VSTM4: variants seen among roughly 807,000 people sequenced by gnomAD.
The protein encoded by VSTM4 is V-set and transmembrane domain-containing protein 4.
In VSTM4, 20 loss-of-function variants were observed where a neutral mutation model predicts 36.4. The observed-to-expected ratio is 0.55, with a 90% CI of 0.39 to 0.80. VSTM4 has a LOEUF of 0.80. Among genes scored for constraint, VSTM4 ranks in the 30% least tolerant of loss-of-function variants. The pLI, the probability that VSTM4 is intolerant of heterozygous loss-of-function variation, is 0.00. For synonymous variants in VSTM4, 182 were observed against 173.9 expected (o/e 1.05, Z -0.37); for missense variants, 392 against 404.5 (o/e 0.97, Z 0.26).
At chr10:49,099,415 T>C (rs538177468) in intron 2 of VSTM4, among the ~76,000 whole-genome samples, 208 of 152,362 alleles carry the variant, frequency 1.4e-3, no homozygotes, top group Admixed American at 0.012. Flanking sequence ...ATCATTTTTA[T>C]CATGTGTGAT....
At chr10:49,109,163 A>G (rs1392365865) in intron 1 of VSTM4, among the ~76,000 whole-genome samples, 1 of 152,168 alleles carries the variant, frequency 6.6e-6, no homozygotes. Context: ...GGTCATCCCA[A>G]AGCACAGCTT....
intron 4 of VSTM4, among the ~76,000 whole-genome samples, chr10:49,071,848 G>A (rs938326822): frequency 9.2e-5 from 14 of 152,182 alleles, no homozygotes; most frequent in Non-Finnish European, 1.5e-4. Context: ...TCTCCTGAAT[G>A]TGGTCAGGAT....
chr10:49,030,363 A>AG (rs539684906), intron 7 of VSTM4, among the ~76,000 whole-genome samples: 1 of 152,130 alleles, frequency 6.6e-6, no homozygotes, highest in African/African-American at 2.4e-5. Flanking sequence ...GCCTTGACCC[A>AG]GGGTCCAGAG....
chr10:49,086,627 C>G (rs1389870286), intron 2 of VSTM4, among the ~76,000 whole-genome samples: 5 of 152,062 alleles, frequency 3.3e-5, no homozygotes, highest in African/African-American at 1.2e-4. Context: ...GAGTCTGGGC[C>G]CACGGAAAGT....
chr10:49,016,763 T>TC lies in VSTM4; in HGVS notation c.*2886dup, dbSNP rs1843110932. 6.6e-6 allele frequency: 1 copy of TC among 152,226 alleles called. No individual in the cohort carries two copies. Among genetic ancestry groups the TC allele is most frequent in the Non-Finnish European group, 1.5e-5 (1 of 68,048 alleles). 9.4% of individuals were successfully genotyped at this position (152,226 alleles called of 1,614,324 possible). ...GGCGGTACATTCGTAAAAAGGTGAC[T>TC]CTAAGGAATCCCAGGCCTCTCCTCC... On this transcript the variant is annotated 3_prime_UTR_variant, in exon 8 of 8. Coordinates refer to ENST00000332853, the MANE Select transcript of VSTM4 (RefSeq NM_001031746.5).
intron 1 of VSTM4, among the ~76,000 whole-genome samples, chr10:49,114,560 T>C (rs1203872439): frequency 6.6e-6 from 1 of 150,618 alleles, no homozygotes; most frequent in Non-Finnish European, 1.5e-5. Flanking sequence ...CTTCAGAGGT[T>C]ATTGGTGAGA....
intron 2 of VSTM4, among the ~76,000 whole-genome samples, chr10:49,100,461 A>G (rs1238887611): frequency 6.6e-6 from 1 of 152,246 alleles, no homozygotes; most frequent in East Asian, 1.9e-4. Flanking sequence ...TAAAATCTTC[A>G]CATACATGTG....
chr10:49,111,471 G>A (rs1014772400), intron 1 of VSTM4, among the ~76,000 whole-genome samples: 1 of 152,174 alleles, frequency 6.6e-6, no homozygotes. Flanking sequence ...AGAGGGGCAG[G>A]ACCTGATGGT....
chr10:49,115,149 C>T (rs1844969544), intron 1 of VSTM4, among the ~76,000 whole-genome samples: 1 of 152,180 alleles, frequency 6.6e-6, no homozygotes, highest in Admixed American at 6.5e-5. Flanking sequence ...TCGGGGCCTG[C>T]CGCTGGGAAG....
intron 3 of VSTM4, 48 bp downstream of exon 3, chr10:49,085,907 G>A: frequency 8.1e-7 from 1 of 1,240,050 alleles, no homozygotes; most frequent in Admixed American, 2.4e-5. Flanking sequence ...AAAAGAAAAA[G>A]AAAAAGCAAC....
chr10:49,064,478 T>C, intron 5 of VSTM4: 1 of 546,560 alleles, frequency 1.8e-6, no homozygotes, highest in Non-Finnish European at 3.2e-6. Context: ...GCAAGCCTGC[T>C]GGGCCAGCAA....
At chr10:49,105,060 A>G in intron 2 of VSTM4, among the ~76,000 whole-genome samples, 1 of 150,846 alleles carries the variant, frequency 6.6e-6, no homozygotes, top group Non-Finnish European at 1.5e-5. Flanking sequence ...AGACAGAGAG[A>G]GAGGGAGAGA....
chr10:49,041,028 A>G (rs574075660), intron 7 of VSTM4, among the ~76,000 whole-genome samples: 1 of 152,328 alleles, frequency 6.6e-6, no homozygotes, highest in Non-Finnish European at 1.5e-5. Context: ...TATTTTCTAA[A>G]TTATCCACTA....
chr10:49,093,704 A>G lies in VSTM4; in HGVS notation c.458-7681T>C, dbSNP rs188222042. Among the ~76,000 whole-genome samples, 445 of 149,046 alleles carry G rather than the reference A, an allele frequency of 3.0e-3. 3 individuals are homozygous for G. Among genetic ancestry groups the G allele is most frequent in the African/African-American group, 0.01 (410 of 40,536 alleles). ...TCTGTGTCTGTTTTCTTCACTTTCTAGAATCCTTCTTGGCCCATAGTTCAA... is the reference window on the plus strand; with the variant it reads ...TCTGTGTCTGTTTTCTTCACTTTCTGGAATCCTTCTTGGCCCATAGTTCAA... On this transcript the variant is annotated intron_variant, in intron 2 of 7. Coordinates refer to ENST00000332853, the MANE Select transcript of VSTM4 (RefSeq NM_001031746.5).
At chr10:49,078,131 G>A (rs1844212781) in intron 3 of VSTM4, among the ~76,000 whole-genome samples, 1 of 152,166 alleles carries the variant, frequency 6.6e-6, no homozygotes, top group African/African-American at 2.4e-5. Context: ...TGCCTTTCAG[G>A]GTGGCTAAAA....
chr10:49,045,927 G>C (rs555655580), intron 7 of VSTM4, among the ~76,000 whole-genome samples: 1 of 152,274 alleles, frequency 6.6e-6, no homozygotes, highest in Non-Finnish European at 1.5e-5. Flanking sequence ...TGTCAAGGGA[G>C]GGAAGTGATT....
chr10:49,087,655 C>T (rs1844392406), intron 2 of VSTM4, among the ~76,000 whole-genome samples: 2 of 152,206 alleles, frequency 1.3e-5, no homozygotes, highest in African/African-American at 2.4e-5. Flanking sequence ...TTACCACAAC[C>T]TCCCAATTTT....
At chr10:49,030,236 A>G (rs190287002) in intron 7 of VSTM4, among the ~76,000 whole-genome samples, 1 of 152,326 alleles carries the variant, frequency 6.6e-6, no homozygotes, top group African/African-American at 2.4e-5. Context: ...CCACTGGTCC[A>G]CTGGGACCTC....
chr10:49,047,198 C>T (rs778572000), intron 6 of VSTM4, among the ~76,000 whole-genome samples, 154 bp from the exon 7 acceptor site: 1 of 152,154 alleles, frequency 6.6e-6, no homozygotes, highest in Non-Finnish European at 1.5e-5. Context: ...AAGTGCCCCT[C>T]GGCGGGCGTG....
Sources: allele counts gnomAD v4.1 joint callset (sites outside exome capture counted in the v4.1 genomes callset), GRCh38; gene constraint gnomAD v4.1.1; transcripts MANE v1.5; gene names NCBI Gene and HGNC (gene_info 2026-07-23, HGNC 2026-07-21).